Variants in SLC25A16 observed in about 807,000 individuals in gnomAD.
SLC25A16 encodes mitochondrial coenzyme A transporter SLC25A16.
SLC25A16 carries 39 observed loss-of-function variants against 41.5 expected under a neutral mutation model. The ratio of observed to expected loss-of-function variants is 0.94; its 90% CI spans 0.73 to 1.23. The LOEUF (loss-of-function observed/expected upper bound fraction) is 1.23, where lower values mean the gene tolerates loss of function less well. Among genes scored for constraint, SLC25A16 ranks in the 50% most tolerant of loss-of-function variants. SLC25A16 has a pLI of 0.00. For synonymous variants in SLC25A16, 146 were observed against 147.8 expected (o/e 0.99, Z 0.09); for missense variants, 421 against 426.9 (o/e 0.99, Z 0.12).
intron 1 of SLC25A16, among the ~76,000 whole-genome samples, chr10:68,522,946 T>C (rs539281370): frequency 3.3e-4 from 50 of 151,616 alleles, no homozygotes; most frequent in African/African-American, 1.1e-3. Flanking sequence ...ATCAGGCCAC[T>C]GCACTCCAGC....
At chr10:68,491,901 TCAC>T (rs200278231) in intron 6 of SLC25A16, among the ~76,000 whole-genome samples, 2,400 of 152,238 alleles carry the variant, frequency 0.016, 33 homozygotes, top group Non-Finnish European at 0.027. Context: ...TGATCTCGGC[TCAC>T]CACAACCTCC....
At chr10:68,509,065 C>T (rs772666087) in intron 2 of SLC25A16, among the ~76,000 whole-genome samples, 2 of 151,992 alleles carry the variant, frequency 1.3e-5, no homozygotes, top group South Asian at 2.1e-4. Flanking sequence ...GGGCCGGGCG[C>T]GGTGGTTCAT....
chr10:68,509,694 C>T (rs1564922873), intron 2 of SLC25A16, among the ~76,000 whole-genome samples: 1 of 140,132 alleles, frequency 7.1e-6, no homozygotes, highest in Non-Finnish European at 1.5e-5. Flanking sequence ...CAGAATAAGA[C>T]CATGTCTCAA....
chr10:68,513,365 C>A (rs2053101960), intron 2 of SLC25A16, among the ~76,000 whole-genome samples: 1 of 137,262 alleles, frequency 7.3e-6, no homozygotes, highest in Admixed American at 7.8e-5. Context: ...GCTGAGATCA[C>A]ATCACTGCAC....
intron 3 of SLC25A16, among the ~76,000 whole-genome samples, chr10:68,504,895 G>A (rs1433823891): frequency 1.3e-5 from 2 of 151,918 alleles, no homozygotes; most frequent in African/African-American, 2.4e-5. Context: ...GGTCAGGCTG[G>A]TCTCAAACTT....
intron 1 of SLC25A16, among the ~76,000 whole-genome samples, chr10:68,526,185 A>C (rs2053335265): frequency 1.3e-5 from 2 of 151,458 alleles, no homozygotes; most frequent in Non-Finnish European, 1.5e-5. Context: ...TCCCTGGGCA[A>C]TGGAATGTCT....
At chr10:68,517,229 G>A (rs746414790) in intron 1 of SLC25A16, 14 of 990,332 alleles carry the variant, frequency 1.4e-5, no homozygotes, top group South Asian at 4.7e-5. Flanking sequence ...GTATTTATCC[G>A]ATTGCCAGGT....
chr10:68,519,583 T>C (rs2053217829), intron 1 of SLC25A16, among the ~76,000 whole-genome samples: 1 of 152,050 alleles, frequency 6.6e-6, no homozygotes, highest in African/African-American at 2.4e-5. Flanking sequence ...CAGAATATTT[T>C]ATATTATCTT....
chr10:68,506,715 ACTC>A lies in SLC25A16; in HGVS notation c.224_226del (p.Gly75del). ...AGGAACAGCACGCAATGCAGAAAAT[ACTC>A]CTATTTTTAGAGGAAAAATGCTGTT... is the stretch of plus-strand genomic sequence containing the variant. On this transcript the variant is annotated inframe_deletion and splice_region_variant, in exon 3 of 9. Coordinates refer to ENST00000609923, the MANE Select transcript of SLC25A16 (RefSeq NM_152707.4). The A allele has an allele frequency of 6.4e-7, 1 of 1,563,552 alleles. No individual in the cohort carries two copies. Among genetic ancestry groups the A allele is most frequent in the Non-Finnish European group, 8.6e-7 (1 of 1,156,984 alleles).
At position 68,488,604 on chromosome 10, in the gene SLC25A16, G is replaced by A. The variant is rs1485149992; in HGVS notation, c.636C>T (p.Thr212=). 33 of 1,612,746 alleles carry A rather than the reference G, an allele frequency of 2.0e-5. No homozygotes were observed. Among genetic ancestry groups the A allele is most frequent in the Non-Finnish European group, 2.8e-5 (33 of 1,179,704 alleles). The part of the protein sequence containing the change: ...YAGVSFFTFG[T]LKSVGLSHAP... ...CATGGGAAAGCCCAACACTCTTCAAGGTACCAAAAGTAAAAAATGAAACAC... is the reference window on the plus strand; with the variant it reads ...CATGGGAAAGCCCAACACTCTTCAAAGTACCAAAAGTAAAAAATGAAACAC... The change falls in exon 7 of 9, where the codon ACC becomes ACT. Residue 212 remains threonine, a synonymous_variant. Coordinates refer to ENST00000609923, the MANE Select transcript of SLC25A16 (RefSeq NM_152707.4).
chr10:68,497,494 T>C (rs1439652478), intron 4 of SLC25A16, among the ~76,000 whole-genome samples: 1 of 152,162 alleles, frequency 6.6e-6, no homozygotes, highest in Non-Finnish European at 1.5e-5. Context: ...ACTATGTTCT[T>C]AGAGTAGGAT....
intron 1 of SLC25A16, chr10:68,518,100 A>G (rs1362691733): frequency 6.6e-6 from 1 of 151,966 alleles, no homozygotes; most frequent in Non-Finnish European, 1.5e-5. Flanking sequence ...TCCAGCCTAG[A>G]TAACACAGCA....
chr10:68,487,749 C>A (rs2052587880), intron 7 of SLC25A16, among the ~76,000 whole-genome samples: 1 of 152,212 alleles, frequency 6.6e-6, no homozygotes, highest in Non-Finnish European at 1.5e-5. Flanking sequence ...TAATGCTATG[C>A]AGCAAGTCCC....
intron 3 of SLC25A16, among the ~76,000 whole-genome samples, chr10:68,504,017 C>CTTTTTTTTTTTT (rs148285905): frequency 1.4e-5 from 1 of 70,872 alleles, no homozygotes; most frequent in African/African-American, 5.7e-5. Context: ...TAAACTGCTA[C>CTTTTTTTTTTTT]TTTTTTTTTT....
At chr10:68,518,750 A>T (rs1182380916) in intron 1 of SLC25A16, among the ~76,000 whole-genome samples, 1 of 151,316 alleles carries the variant, frequency 6.6e-6, no homozygotes, top group Non-Finnish European at 1.5e-5. Context: ...CTCCAGCCCG[A>T]GCAACAGAGC....
At chr10:68,490,338 A>G (rs2052635217) in intron 6 of SLC25A16, among the ~76,000 whole-genome samples, 1 of 151,734 alleles carries the variant, frequency 6.6e-6, no homozygotes, top group Non-Finnish European at 1.5e-5. Flanking sequence ...CTGGGAAAAG[A>G]AGAGACTTTT....
intron 8 of SLC25A16, 47 bp downstream of exon 8, chr10:68,487,097 T>C (rs2052576945): frequency 3.5e-6 from 5 of 1,447,356 alleles, no homozygotes; most frequent in Non-Finnish European, 4.9e-6. Flanking sequence ...CTGAGTTTAA[T>C]GTTACATTTC....
In SLC25A16 at chr10:68,482,478, A is replaced by G. The variant is rs774827509; in HGVS notation, c.*954T>C. 5 of 152,630 alleles carry G rather than the reference A, an allele frequency of 3.3e-5. No individual in the cohort carries two copies. Among genetic ancestry groups the G allele is most frequent in the Non-Finnish European group, 5.9e-5 (4 of 68,038 alleles). 9.5% of individuals were successfully genotyped at this position (152,630 alleles called of 1,614,324 possible). On this transcript the variant is annotated 3_prime_UTR_variant, in exon 9 of 9. Transcript: ENST00000609923. ...ACTAGTTGATGCATCATAATACCTT[A>G]GAAACATTTTTTGATATTCACATCT...
intron 4 of SLC25A16, chr10:68,496,809 CT>C (rs993918310): frequency 2.1e-5 from 12 of 559,522 alleles, no homozygotes; most frequent in Non-Finnish European, 2.5e-5. Flanking sequence ...ACACAAAAGA[CT>C]TTTTTTCCTC....
Sources: gnomAD v4.1 joint callset for allele counts (sites outside exome capture counted in the v4.1 genomes callset) on GRCh38, gnomAD v4.1.1 for gene constraint, MANE v1.5 for transcripts, NCBI Gene and HGNC (gene_info 2026-07-23, HGNC 2026-07-21) for gene names.